ZDHHC3: variants seen among roughly 807,000 people sequenced by gnomAD.
The protein encoded by ZDHHC3 is palmitoyltransferase ZDHHC3.
A neutral mutation model predicts 30.6 loss-of-function variants in ZDHHC3; 9 were observed. The ratio of observed to expected loss-of-function variants is 0.29; its 90% confidence interval spans 0.18 to 0.51. The LOEUF is 0.51. Among genes scored for constraint, ZDHHC3 ranks in the 20% least tolerant of loss-of-function variants. The pLI, the probability that ZDHHC3 is intolerant of heterozygous loss-of-function variation, is 0.97. For missense variants in ZDHHC3, 246 were observed against 384.2 expected (o/e 0.64, Z 3.01); for synonymous variants, 136 against 140.2 (o/e 0.97, Z 0.21).
intron 1 of ZDHHC3, among the ~76,000 whole-genome samples, chr3:44,974,911 G>A (rs900007393): frequency 6.6e-6 from 1 of 152,138 alleles, no homozygotes; most frequent in African/African-American, 2.4e-5. Context: ...TGTTGGCCCT[G>A]GAGCCTTCAT....
Position 44,922,864 on chromosome 3 carries a change from A to T in ZDHHC3, c.*3825T>A. The T allele has an allele frequency of 1.0e-6, 1 of 984,980 alleles. No individual in the cohort carries two copies. Among genetic ancestry groups the T allele is most frequent in the Non-Finnish European group, 1.2e-6 (1 of 829,860 alleles). The allele number at this position is 984,980 out of a possible 1,614,324, so 61.0% of individuals were successfully genotyped here. A position where few individuals can be genotyped will look rare whatever the true frequency, so the allele number is the denominator to read the frequency against. Reference sequence around the variant, plus strand: ...ACACCTTTGAGGAGGATTCTAGCAAAATCTTTCTCTTTTCACATTTCTTTG... The same window carrying T: ...ACACCTTTGAGGAGGATTCTAGCAATATCTTTCTCTTTTCACATTTCTTTG... On this transcript the variant is annotated 3_prime_UTR_variant, in exon 7 of 7. Coordinates refer to ENST00000424952, the MANE Select transcript of ZDHHC3 (RefSeq NM_001135179.2).
At chr3:44,933,338 C>A in intron 4 of ZDHHC3, 139 bp from the exon 5 acceptor site, 1 of 735,800 alleles carries the variant, frequency 1.4e-6, no homozygotes, top group Non-Finnish European at 2.3e-6. Context: ...ACCAGAGGGC[C>A]AGCTAGCGAT....
At chr3:44,965,601 C>A (rs555022275) in intron 1 of ZDHHC3, among the ~76,000 whole-genome samples, 1 of 152,316 alleles carries the variant, frequency 6.6e-6, no homozygotes, top group East Asian at 1.9e-4. Context: ...CCCTACTAAT[C>A]TTTATCATGT....
rs1473405455 is a variant in ZDHHC3, at chr3:44,922,787, CA to C, written c.*3901del. 2 of 985,246 alleles carry C rather than the reference CA, an allele frequency of 2.0e-6. No homozygotes were observed. The highest frequency in any genetic ancestry group is 2.3e-4 in the East Asian group (2 of 8,814). 61.0% of individuals were successfully genotyped at this position (985,246 alleles called of 1,614,324 possible). A position where few individuals can be genotyped will look rare whatever the true frequency, so the allele number is the denominator to read the frequency against. On this transcript the variant is annotated 3_prime_UTR_variant, in exon 7 of 7. Coordinates refer to ENST00000424952, the MANE Select transcript of ZDHHC3 (RefSeq NM_001135179.2). Reference sequence around the variant, plus strand: ...GGGGACCGAGAATGTGCATTTCTAACAAGTTCTCAGGTGATGCTGATGTTGA... The same window carrying C: ...GGGGACCGAGAATGTGCATTTCTAACAGTTCTCAGGTGATGCTGATGTTGA...
intron 1 of ZDHHC3, among the ~76,000 whole-genome samples, chr3:44,962,992 C>T (rs1314649429): frequency 2.6e-5 from 4 of 152,176 alleles, no homozygotes; most frequent in African/African-American, 9.7e-5. Flanking sequence ...CTTATTAGCC[C>T]AGTGGCTGGC....
chr3:44,927,359 T>G (rs1468255930), intron 6 of ZDHHC3, among the ~76,000 whole-genome samples: 1 of 152,028 alleles, frequency 6.6e-6, no homozygotes, highest in African/African-American at 2.4e-5. Flanking sequence ...AAAAAAAAAG[T>G]AACAAATCAA....
intron 3 of ZDHHC3, among the ~76,000 whole-genome samples, chr3:44,935,875 T>G (rs1224911387): frequency 2.0e-5 from 3 of 152,108 alleles, no homozygotes; most frequent in Non-Finnish European, 4.4e-5. Context: ...CAAAATGGAT[T>G]AAAGACCTAA....
chr3:44,975,327 C>T (rs940271597), intron 1 of ZDHHC3: 1 of 152,190 alleles, frequency 6.6e-6, no homozygotes, highest in Non-Finnish European at 1.5e-5. Context: ...GGCTTTTTTT[C>T]GGGCAACTGC....
At position 44,924,765 on chromosome 3, in the gene ZDHHC3, G is replaced by A; in HGVS notation, c.*1924C>T. The A allele has an allele frequency of 1.0e-6, 1 of 985,390 alleles. No individual in the cohort carries two copies. Among genetic ancestry groups the A allele is most frequent in the Non-Finnish European group, 1.2e-6 (1 of 829,892 alleles). 61.0% of individuals were successfully genotyped at this position (985,390 alleles called of 1,614,324 possible). A position where few individuals can be genotyped will look rare whatever the true frequency, so the allele number is the denominator to read the frequency against. ...CTTCTTTCATACACCTAACTGAGCT[G>A]TATGTTATGAAAAAATTTTAAAAAA... On this transcript the variant is annotated 3_prime_UTR_variant, in exon 7 of 7. Coordinates refer to ENST00000424952, the MANE Select transcript of ZDHHC3 (RefSeq NM_001135179.2).
intron 2 of ZDHHC3, among the ~76,000 whole-genome samples, chr3:44,946,727 C>T (rs1391771076): frequency 6.6e-6 from 1 of 152,026 alleles, no homozygotes; most frequent in Non-Finnish European, 1.5e-5. Context: ...TGAGTAATGA[C>T]AAAGAGGTGA....
chr3:44,943,581 C>T (rs1702637661), intron 3 of ZDHHC3, among the ~76,000 whole-genome samples: 1 of 152,220 alleles, frequency 6.6e-6, no homozygotes, highest in Non-Finnish European at 1.5e-5. Flanking sequence ...TCTCCGCAGG[C>T]TAAGCCTGAC....
chr3:44,958,838 C>A (rs1476131421), intron 2 of ZDHHC3, among the ~76,000 whole-genome samples: 3 of 152,210 alleles, frequency 2.0e-5, no homozygotes, highest in Non-Finnish European at 4.4e-5. Context: ...TAACCAGAGG[C>A]CAGGTTTCCC....
intron 2 of ZDHHC3, among the ~76,000 whole-genome samples, chr3:44,953,815 C>T (rs7633765): frequency 0.2 from 31,169 of 152,096 alleles, 3,305 homozygotes; most frequent in African/African-American, 0.25. Flanking sequence ...GAATGCAGCA[C>T]GATACTCCAA....
At chr3:44,958,464 GA>G in intron 2 of ZDHHC3, 2 of 856,720 alleles carry the variant, frequency 2.3e-6, no homozygotes, top group Non-Finnish European at 3.8e-6. Context: ...TCCCATACAA[GA>G]AAAGGAACAG....
intron 3 of ZDHHC3, among the ~76,000 whole-genome samples, chr3:44,936,059 C>T (rs1469092069): frequency 2.0e-5 from 3 of 152,174 alleles, no homozygotes; most frequent in East Asian, 3.8e-4. Context: ...AAACTATCAA[C>T]AGAGTAAACA....
rs1177205545 is a variant in ZDHHC3 at position 44,916,668 on chromosome 3, G to A, written c.*10021C>T. ...GAATCCACTTCTTATACCAAACGGGGATAAGAACCCTTCTGTTGGGCTTTG... is the reference window on the plus strand; with the variant it reads ...GAATCCACTTCTTATACCAAACGGGAATAAGAACCCTTCTGTTGGGCTTTG... On this transcript the variant is annotated 3_prime_UTR_variant, in exon 7 of 7. Coordinates refer to ENST00000424952, the MANE Select transcript of ZDHHC3 (RefSeq NM_001135179.2). The A allele has an allele frequency of 2.0e-5, 3 of 152,238 alleles. No homozygotes were observed. The highest frequency in any genetic ancestry group is 1.3e-4 in the Admixed American group (2 of 15,282). The allele number at this position is 152,238 out of a possible 1,614,324, so 9.4% of individuals were successfully genotyped here. A position where few individuals can be genotyped will look rare whatever the true frequency, so the allele number is the denominator to read the frequency against.
In ZDHHC3 at chr3:44,922,174, A is replaced by G. The variant is rs1700640394; in HGVS notation, c.*4515T>C. The G allele has an allele frequency of 3.0e-6, 3 of 985,470 alleles. No individual in the cohort carries two copies. The highest frequency in any genetic ancestry group is 3.5e-5 in the African/African-American group (2 of 57,376). 61.0% of individuals were successfully genotyped at this position (985,470 alleles called of 1,614,324 possible). ...TATGAGGTGATCCTAAGCCAGATAC[A>G]TATTTAAAGAATACAAGAAAAAGCC... On this transcript the variant is annotated 3_prime_UTR_variant, in exon 7 of 7. Coordinates refer to ENST00000424952, the MANE Select transcript of ZDHHC3 (RefSeq NM_001135179.2).
Position 44,917,945 on chromosome 3 carries a change from G to A in ZDHHC3, c.*8744C>T, listed in dbSNP as rs1313458057. 2.3e-6 allele frequency: 3 copies of A among 1,305,224 alleles called. No homozygotes were observed. The highest frequency in any genetic ancestry group is 3.0e-6 in the Non-Finnish European group (3 of 988,966). 80.9% of individuals were successfully genotyped at this position (1,305,224 alleles called of 1,614,324 possible). Reference sequence around the variant, plus strand: ...TCCTCGTCCTTTGTCTCCTCTGATGGATCCTCCATTGTTTCGGTGTCTGAC... The same window carrying A: ...TCCTCGTCCTTTGTCTCCTCTGATGAATCCTCCATTGTTTCGGTGTCTGAC... On this transcript the variant is annotated 3_prime_UTR_variant, in exon 7 of 7. Coordinates refer to ENST00000424952, the MANE Select transcript of ZDHHC3 (RefSeq NM_001135179.2).
At chr3:44,947,543 G>A (rs1703056816) in intron 2 of ZDHHC3, among the ~76,000 whole-genome samples, 1 of 152,216 alleles carries the variant, frequency 6.6e-6, no homozygotes, top group African/African-American at 2.4e-5. Flanking sequence ...CTTGCAGAAA[G>A]GGCTCAGATG....
Sources: allele counts gnomAD v4.1 joint callset (sites outside exome capture counted in the v4.1 genomes callset), GRCh38; gene constraint gnomAD v4.1.1; transcripts MANE v1.5; gene names NCBI Gene and HGNC (gene_info 2026-07-23, HGNC 2026-07-21).